FNBP1: variants seen among roughly 807,000 people sequenced by gnomAD.
The protein encoded by FNBP1 is formin-binding protein 1.
In FNBP1, 26 loss-of-function variants were observed where a neutral mutation model predicts 90.6. That is an observed-to-expected ratio of 0.29 (90% CI 0.21 to 0.40). The LOEUF is 0.40. Among genes scored for constraint, FNBP1 ranks in the 10% least tolerant of loss-of-function variants. The probability of loss-of-function intolerance (pLI) is 1.00; values close to 1 mark genes in which losing one functional copy is unlikely to be tolerated. For missense variants in FNBP1, 635 were observed against 768.0 expected (o/e 0.83, Z 2.05); for synonymous variants, 260 against 265.2 (o/e 0.98, Z 0.19).
intron 1 of FNBP1, among the ~76,000 whole-genome samples, chr9:130,024,149 T>TCA (rs2058117103): frequency 6.6e-6 from 1 of 152,006 alleles, no homozygotes; most frequent in Non-Finnish European, 1.5e-5. Flanking sequence ...CTCATGCCTG[T>TCA]AAGTAATCCC....
At chr9:130,027,955 G>A (rs762974937) in intron 1 of FNBP1, among the ~76,000 whole-genome samples, 17 of 151,908 alleles carry the variant, frequency 1.1e-4, no homozygotes, top group Admixed American at 7.9e-4. Context: ...GTCTCATTGT[G>A]TTGCTCAGGG....
At chr9:130,018,233 T>TA (rs546803438) in intron 1 of FNBP1, among the ~76,000 whole-genome samples, 3,327 of 148,818 alleles carry the variant, frequency 0.022, 118 homozygotes, top group African/African-American at 0.077. Context: ...CCCTTTTGTT[T>TA]AAAAAAAAAA....
At chr9:129,955,888 T>G (rs920899890) in intron 6 of FNBP1, among the ~76,000 whole-genome samples, 1 of 151,614 alleles carries the variant, frequency 6.6e-6, no homozygotes, top group Non-Finnish European at 1.5e-5. Context: ...ATACACTGAT[T>G]TGCCTCATTC....
At chr9:129,978,309 G>A (rs533626020) in intron 4 of FNBP1, 156 bp downstream of exon 4, 7 of 633,722 alleles carry the variant, frequency 1.1e-5, no homozygotes, top group Middle Eastern at 4.4e-4. Context: ...ATGAGCCACC[G>A]TGCCCAGCTG....
intron 6 of FNBP1, among the ~76,000 whole-genome samples, chr9:129,931,051 C>T (rs1402898943): frequency 2.6e-5 from 4 of 152,130 alleles, no homozygotes; most frequent in Non-Finnish European, 5.9e-5. Context: ...CGCCTGCAAT[C>T]CCAGCTCTAT....
chr9:129,899,942 ATC>A, intron 15 of FNBP1, 21 bp downstream of exon 15: 1 of 1,554,478 alleles, frequency 6.4e-7, no homozygotes, highest in South Asian at 1.2e-5. Context: ...AGGCAGGGGA[ATC>A]CAGCAGACAT....
chr9:129,982,019 G>T (rs2051335018), intron 2 of FNBP1, among the ~76,000 whole-genome samples: 1 of 152,152 alleles, frequency 6.6e-6, no homozygotes, highest in South Asian at 2.1e-4. Context: ...AATAATTCTA[G>T]ATGCAAAATA....
chr9:129,921,432 C>T (rs910967198), intron 10 of FNBP1, among the ~76,000 whole-genome samples: 13 of 150,616 alleles, frequency 8.6e-5, no homozygotes, highest in Non-Finnish European at 1.9e-4. Context: ...CTTGCTCTGT[C>T]GTCCAGGCTG....
rs1215153319 is a variant in FNBP1 at position 130,029,545 on chromosome 9, AG to A, written c.24+13406del. 5.3e-5 allele frequency among the ~76,000 whole-genome samples: 8 copies of A among 152,206 alleles called. No individual in the cohort carries two copies. In the East Asian group the frequency reaches 1.5e-3, roughly 29 times the overall value. ...ATGTTTGTCAGTAGCTGACTGGGTA[AG>A]GAAGTAGAATATTGCTAGATTTTAG... On this transcript the variant is annotated intron_variant, in intron 1 of 16. Transcript: ENST00000446176.
At chr9:129,927,099 C>T in intron 8 of FNBP1, 96 bp downstream of exon 8, 1 of 1,264,302 alleles carries the variant, frequency 7.9e-7, no homozygotes, top group Non-Finnish European at 1.1e-6. Context: ...CAACCATCCA[C>T]CATGAGATGA....
intron 8 of FNBP1, among the ~76,000 whole-genome samples, chr9:129,926,801 G>A (rs1416290848): frequency 1.3e-5 from 2 of 151,404 alleles, no homozygotes; most frequent in South Asian, 2.1e-4. Flanking sequence ...CAGGAGAATC[G>A]CTTGAACCCG....
chr9:129,908,376 T>G (rs960124702), intron 12 of FNBP1, among the ~76,000 whole-genome samples: 1 of 149,420 alleles, frequency 6.7e-6, no homozygotes. Context: ...GCTAGTTTTT[T>G]TCTTTTTTTT....
chr9:130,048,314 CAAAAAAAAAAAA>C, the FNBP1 span, among the ~76,000 whole-genome samples: 2 of 50,720 alleles, frequency 3.9e-5, no homozygotes, highest in Non-Finnish European at 6.4e-5. Flanking sequence ...GACTCCATCT[CAAAAAAAAAAAA>C]AAAAAAAAAA....
intron 1 of FNBP1, among the ~76,000 whole-genome samples, chr9:130,030,453 T>A (rs1043732095): frequency 5.2e-5 from 7 of 133,798 alleles, no homozygotes; most frequent in Non-Finnish European, 8.2e-5. Context: ...AAAAAAAAAA[T>A]CTAAACATAA....
intron 1 of FNBP1, among the ~76,000 whole-genome samples, chr9:130,004,218 G>A (rs1278883301): frequency 6.6e-6 from 1 of 151,398 alleles, no homozygotes; most frequent in African/African-American, 2.4e-5. Flanking sequence ...AGCCAAGATC[G>A]CGCCACTGTA....
In FNBP1 at chr9:129,890,326, G is replaced by A; in HGVS notation, c.*213C>T. The A allele has an allele frequency of 1.7e-6, 1 of 597,058 alleles. No individual in the cohort carries two copies. The highest frequency in any genetic ancestry group is 3.0e-6 in the Non-Finnish European group (1 of 335,734). The allele number at this position is 597,058 out of a possible 1,614,324, so 37.0% of individuals were successfully genotyped here. ...AGGACTGACCCGAGCCATGGGGGTG[G>A]GCGCTGGCGAGACTTGTCCCCCACG... On this transcript the variant is annotated 3_prime_UTR_variant, in exon 17 of 17. Coordinates refer to ENST00000446176, the MANE Select transcript of FNBP1 (RefSeq NM_015033.3). This position sits in a 1 kb window ranked among gnomAD's most constrained non-coding sequence, Gnocchi z 5.8.
chr9:129,968,595 A>G (rs2048972581), intron 4 of FNBP1, among the ~76,000 whole-genome samples: 1 of 152,160 alleles, frequency 6.6e-6, no homozygotes, highest in African/African-American at 2.4e-5. Flanking sequence ...AAGCCCCTTC[A>G]TAAGATCCAT....
At chr9:129,932,254 G>A (rs1588649706) in intron 6 of FNBP1, among the ~76,000 whole-genome samples, 1 of 150,818 alleles carries the variant, frequency 6.6e-6, no homozygotes, top group African/African-American at 2.4e-5. Context: ...GAATGAAAGA[G>A]AAAGAAAGAG....
At chr9:129,938,723 G>T (rs78842928) in intron 6 of FNBP1, among the ~76,000 whole-genome samples, 15,180 of 151,910 alleles carry the variant, frequency 0.1, 855 homozygotes, top group African/African-American at 0.16. Context: ...CTATGCTCTG[G>T]TTGCCTTATT....
Sources: allele counts gnomAD v4.1 joint callset (sites outside exome capture counted in the v4.1 genomes callset), GRCh38; gene constraint gnomAD v4.1.1; non-coding constraint Gnocchi (gnomAD v3.1); transcripts MANE v1.5; gene names NCBI Gene and HGNC (gene_info 2026-07-23, HGNC 2026-07-21).